EDA: variants seen among roughly 807,000 people sequenced by gnomAD.
EDA encodes the protein ectodysplasin A.
EDA carries 2 observed loss-of-function variants against 23.6 expected under a neutral mutation model. The ratio of observed to expected loss-of-function variants is 0.08; its 90% CI spans 0.03 to 0.27. The LOEUF (loss-of-function observed/expected upper bound fraction) is 0.27. EDA is among the 10% of genes least tolerant of loss of function. The pLI is 1.00. For synonymous variants in EDA, 131 were observed against 132.0 expected (o/e 0.99, Z 0.05); for missense variants, 229 against 324.2 (o/e 0.71, Z 2.26).
At chrX:69,966,525 G>C (rs1397979532) in intron 2 of EDA, among the ~76,000 whole-genome samples, 1 of 105,519 alleles carries the variant, frequency 9.5e-6, no homozygotes, top group Non-Finnish European at 1.9e-5. Flanking sequence ...GTTGCAGTGA[G>C]CCAAGATCGC....
intron 1 of EDA, among the ~76,000 whole-genome samples, chrX:69,743,816 T>C (rs1310758935): frequency 8.9e-6 from 1 of 111,739 alleles, no homozygotes; most frequent in Non-Finnish European, 1.9e-5. Context: ...GATCTGGAAA[T>C]AGTTAAGGTG....
At chrX:69,792,169 C>G (rs1172094666) in intron 1 of EDA, among the ~76,000 whole-genome samples, 1 of 110,368 alleles carries the variant, frequency 9.1e-6, no homozygotes, top group Non-Finnish European at 1.9e-5. Context: ...TATGCCTTTG[C>G]CTCCTCATAG....
chrX:69,982,189 G>T (rs772994117), intron 2 of EDA, among the ~76,000 whole-genome samples: 1 of 111,336 alleles, frequency 9.0e-6, no homozygotes, highest in Non-Finnish European at 1.9e-5. Flanking sequence ...TGTTGCTGCC[G>T]TTACTTTTGA....
At chrX:69,651,649 G>C (rs1394926535) in intron 1 of EDA, among the ~76,000 whole-genome samples, 2 of 111,567 alleles carry the variant, frequency 1.8e-5, no homozygotes, top group Non-Finnish European at 3.8e-5. Flanking sequence ...TTTTATAAGA[G>C]CAGTTTCAGT....
chrX:69,788,136 G>C lies in EDA; in HGVS notation c.397-168891G>C, dbSNP rs1212622237. 8.1e-5 allele frequency among the ~76,000 whole-genome samples: 9 copies of C among 111,374 alleles called. No individual in the cohort carries two copies. In the South Asian group the frequency reaches 3.4e-3, roughly 42 times the overall value. ...CATAGTTCTCGAGCCTTGGTTTTCAGCTCCATCAGCTCCTTTAAGCACTTC... is the reference window on the plus strand; with the variant it reads ...CATAGTTCTCGAGCCTTGGTTTTCACCTCCATCAGCTCCTTTAAGCACTTC... On this transcript the variant is annotated intron_variant, in intron 1 of 7. Coordinates refer to ENST00000374552, the MANE Select transcript of EDA (RefSeq NM_001399.5).
chrX:69,744,515 C>G (rs1255784200), intron 1 of EDA, among the ~76,000 whole-genome samples: 1 of 112,020 alleles, frequency 8.9e-6, no homozygotes, highest in Non-Finnish European at 1.9e-5. Flanking sequence ...AAAGATACTA[C>G]CGTGTATCTT....
At chrX:69,689,103 A>G (rs941535717) in intron 1 of EDA, among the ~76,000 whole-genome samples, 2 of 111,549 alleles carry the variant, frequency 1.8e-5, no homozygotes, top group African/African-American at 6.5e-5. Flanking sequence ...TACTCCATTA[A>G]TCTATATGTC....
chrX:69,653,972 C>A (rs1190717543), intron 1 of EDA, among the ~76,000 whole-genome samples: 3 of 111,391 alleles, frequency 2.7e-5, no homozygotes, highest in African/African-American at 6.5e-5. Flanking sequence ...AACTAAAGAG[C>A]TTCTGCACAG....
At chrX:70,017,094 A>G (rs1175167016) in intron 2 of EDA, among the ~76,000 whole-genome samples, 1 of 111,669 alleles carries the variant, frequency 9.0e-6, no homozygotes, top group Non-Finnish European at 1.9e-5. Flanking sequence ...ATGCACACAA[A>G]CTAGAAAACC....
intron 1 of EDA, among the ~76,000 whole-genome samples, chrX:69,791,648 T>G (rs2015407621): frequency 8.9e-6 from 1 of 111,978 alleles, no homozygotes; most frequent in Admixed American, 9.4e-5. Flanking sequence ...CAATTGTATT[T>G]TTTTTTTCTT....
chrX:69,811,998 A>G (rs2015969797), intron 1 of EDA, among the ~76,000 whole-genome samples: 1 of 111,797 alleles, frequency 8.9e-6, no homozygotes, highest in Non-Finnish European at 1.9e-5. Context: ...CACCAATTAT[A>G]CAACAAAAAT....
At chrX:69,620,531 ATT>A in intron 1 of EDA, 3 of 134,510 alleles carry the variant, frequency 2.2e-5, no homozygotes, top group Non-Finnish European at 4.3e-5. Context: ...AAATCCAAGG[ATT>A]TTTTTTTTTA....
At chrX:69,824,482 T>C (rs953822504) in intron 1 of EDA, among the ~76,000 whole-genome samples, 2 of 111,001 alleles carry the variant, frequency 1.8e-5, no homozygotes, top group Admixed American at 1.9e-4. Flanking sequence ...AGTTCTCTCA[T>C]GATTTGGCTC....
At position 69,823,855 on chromosome X, in the gene EDA, A is replaced by C. The variant is rs1440106722; in HGVS notation, c.397-133172A>C. On this transcript the variant is annotated intron_variant, in intron 1 of 7. Transcript: ENST00000374552. ...GGTCTAACATTTAAGTCTTTAATCC[A>C]TCTTGAATTGATTTTTGTATAAGGT... Among the ~76,000 whole-genome samples the C allele has an allele frequency of 4.5e-5, 4 of 89,668 alleles. No individual in the cohort carries two copies. The Admixed American group carries it at 5.2e-4, about 12-fold the overall frequency. The allele number at this position is 89,668 out of a possible 115,157, so 77.9% of individuals were successfully genotyped here.
intron 1 of EDA, among the ~76,000 whole-genome samples, chrX:69,828,914 C>T (rs144969434): frequency 0.01 from 1,139 of 112,180 alleles, 12 homozygotes; most frequent in African/African-American, 0.036. Context: ...ATGTTCTTCT[C>T]CTAGATCTTT....
chrX:69,665,027 C>T (rs1933636887), intron 1 of EDA, among the ~76,000 whole-genome samples: 1 of 111,727 alleles, frequency 9.0e-6, no homozygotes, highest in African/African-American at 3.2e-5. Context: ...AGTGGTATCT[C>T]ATAGTGGCTT....
intron 2 of EDA, among the ~76,000 whole-genome samples, chrX:70,011,729 T>C (rs2019878817): frequency 8.9e-6 from 1 of 112,032 alleles, no homozygotes; most frequent in Non-Finnish European, 1.9e-5. Flanking sequence ...GCCGATCTAC[T>C]AGCAACAAGC....
chrX:69,881,548 A>G (rs942239149), intron 1 of EDA, among the ~76,000 whole-genome samples: 4 of 111,601 alleles, frequency 3.6e-5, no homozygotes, highest in Non-Finnish European at 5.6e-5. Context: ...TTGCTTAGCT[A>G]TATTCCTCAG....
intron 1 of EDA, among the ~76,000 whole-genome samples, chrX:69,780,852 C>T (rs781236591): frequency 1.8e-5 from 2 of 111,160 alleles, no homozygotes; most frequent in Admixed American, 9.6e-5. Flanking sequence ...GTCAATTAAA[C>T]CTCTTTTCTT....
Sources: allele counts gnomAD v4.1 joint callset (sites outside exome capture counted in the v4.1 genomes callset), GRCh38; gene constraint gnomAD v4.1.1; transcripts MANE v1.5; gene names NCBI Gene and HGNC (gene_info 2026-07-23, HGNC 2026-07-21).